The following GPLD1 variants were observed in gnomAD, a reference collection of about 807,000 sequenced individuals.
The protein encoded by GPLD1 is glycosylphosphatidylinositol specific phospholipase D1.
In GPLD1, 84 loss-of-function variants were observed where a neutral mutation model predicts 112.6. The ratio of observed to expected loss-of-function variants is 0.75; its 90% CI spans 0.63 to 0.89. The LOEUF (loss-of-function observed/expected upper bound fraction) is 0.89, where lower values mean the gene tolerates loss of function less well. Among genes scored for constraint, GPLD1 ranks in the 40% least tolerant of loss-of-function variants. The pLI is 0.00. For synonymous variants in GPLD1, 386 were observed against 403.8 expected, an observed-to-expected ratio of 0.96 and a Z score of 0.53; for missense variants, 1,044 against 1,051.5, an observed-to-expected ratio of 0.99 and a Z score of 0.10.
At chr6:24,479,571 C>G (rs1764134110) in intron 3 of GPLD1, among the ~76,000 whole-genome samples, 1 of 152,144 alleles carries the variant, frequency 6.6e-6, no homozygotes, top group Non-Finnish European at 1.5e-5. Flanking sequence ...ATAGAAGGAA[C>G]ACAAACTCAG....
intron 12 of GPLD1, among the ~76,000 whole-genome samples, chr6:24,458,986 C>G (rs1763350108): frequency 6.6e-6 from 1 of 152,132 alleles, no homozygotes; most frequent in Non-Finnish European, 1.5e-5. Flanking sequence ...TTGTCTAAAC[C>G]CTTCTGACAT....
At chr6:24,450,171 C>T (rs762716842) in intron 14 of GPLD1, among the ~76,000 whole-genome samples, 2 of 152,160 alleles carry the variant, frequency 1.3e-5, no homozygotes, top group Non-Finnish European at 2.9e-5. Context: ...AGAAAATAGC[C>T]TCGTGTATGT....
intron 10 of GPLD1, among the ~76,000 whole-genome samples, chr6:24,464,084 A>G (rs536361809): frequency 1.6e-5 from 2 of 125,852 alleles, no homozygotes; most frequent in Non-Finnish European, 1.9e-5. Context: ...TAAAACAAGT[A>G]AGTGCAGGTC....
Position 24,476,224 on chromosome 6 carries a change from C to G in GPLD1, c.287G>C (p.Ser96Thr). ...STHWTPFLNASVHYIRENYPL... is the reference protein window; with the variant it reads ...STHWTPFLNATVHYIRENYPL... ...ATAGTTCTCTCGGATATAATGAACG[C>G]TTGCATTAAGAAACGGAGTCCAGTG... Residue 96 changes from serine (S) to threonine (T), a missense_variant, in exon 4 of 25, where the codon AGC (serine) becomes ACC (threonine). Transcript: ENST00000230036. The G allele has an allele frequency of 6.3e-7, 1 of 1,577,762 alleles. No homozygotes were observed. Among genetic ancestry groups the G allele is most frequent in the Non-Finnish European group, 8.6e-7 (1 of 1,157,442 alleles).
At chr6:24,469,702 G>A (rs371822116) in intron 7 of GPLD1, among the ~76,000 whole-genome samples, 8,066 of 142,852 alleles carry the variant, frequency 0.056, 694 homozygotes, top group African/African-American at 0.19. Flanking sequence ...TGGGTGCAGC[G>A]CACCAGCATG....
chr6:24,494,961 G>C (rs767653437), intron 1 of GPLD1: 3 of 1,294,362 alleles, frequency 2.3e-6, no homozygotes, highest in African/African-American at 3.0e-5. Flanking sequence ...GCGCGCGCCC[G>C]CTTGCCTGTT....
At chr6:24,464,305 A>T (rs1449287739) in intron 10 of GPLD1, among the ~76,000 whole-genome samples, 1 of 152,214 alleles carries the variant, frequency 6.6e-6, no homozygotes, top group African/African-American at 2.4e-5. Context: ...TGGAAGGTTT[A>T]GCAACTTGTT....
At position 24,436,678 on chromosome 6, in the gene GPLD1, C is replaced by T; in HGVS notation, c.2256G>A (p.Gly752=). 1.9e-6 allele frequency: 3 copies of T among 1,614,054 alleles called. No individual in the cohort carries two copies. Among genetic ancestry groups the T allele is most frequent in the Non-Finnish European group, 2.5e-6 (3 of 1,179,966 alleles). Residue 752 remains glycine, a synonymous_variant, in exon 22 of 25, where the codon GGG becomes GGA. Coordinates refer to ENST00000230036, the MANE Select transcript of GPLD1 (RefSeq NM_001503.4). The part of the protein sequence containing the change: ...RIADVTSGLI[G]GEDGRVYVYN... ...ATACATATACTCGGCCGTCTTCTCC[C>T]CCAATCAGTCCAGAGGTTACATCTG...
chr6:24,489,052 T>C (rs2127374511), intron 1 of GPLD1, among the ~76,000 whole-genome samples: 1 of 152,300 alleles, frequency 6.6e-6, no homozygotes, highest in Non-Finnish European at 1.5e-5. Flanking sequence ...CAAAAGTACA[T>C]TTCTCACTCC....
chr6:24,453,948 G>A, intron 14 of GPLD1, 67 bp downstream of exon 14: 2 of 982,690 alleles, frequency 2.0e-6, no homozygotes, highest in Non-Finnish European at 1.6e-6. Context: ...TCATCCTGGA[G>A]AATCTGCCAC....
At position 24,467,224 on chromosome 6, in the gene GPLD1, C is replaced by T. The variant is rs762586465; in HGVS notation, c.596G>A (p.Arg199Gln). 7.5e-6 allele frequency: 12 copies of T among 1,608,480 alleles called. No homozygotes were observed. The highest frequency in any genetic ancestry group is 3.3e-5 in the Admixed American group (2 of 59,982). ...LLGIYEKLYG[R>Q]KVITENVIVD... ...GATTACATTTTCGGTGATGACTTTT[C>T]GACCATACAGTTTCTCATAAATTCC... Residue 199 changes from arginine to glutamine, a missense_variant, in exon 8 of 25, where the codon CGA (arginine) becomes CAA (glutamine). Transcript: ENST00000230036.
intron 11 of GPLD1, among the ~76,000 whole-genome samples, chr6:24,461,058 C>T (rs1763418025): frequency 6.6e-6 from 1 of 152,070 alleles, no homozygotes; most frequent in African/African-American, 2.4e-5. Context: ...ACTGATTTAT[C>T]TTCAAAGACA....
At chr6:24,432,218 G>A (rs1561825433) in intron 24 of GPLD1, among the ~76,000 whole-genome samples, 2 of 142,192 alleles carry the variant, frequency 1.4e-5, no homozygotes, top group Non-Finnish European at 3.0e-5. Flanking sequence ...TTGCACTCCG[G>A]CCTAGGTGAC....
chr6:24,485,456 A>T (rs1464012897), intron 2 of GPLD1, among the ~76,000 whole-genome samples: 1 of 150,384 alleles, frequency 6.6e-6, no homozygotes, highest in African/African-American at 2.5e-5. Flanking sequence ...GCACATTTTT[A>T]AAAATGTACT....
At chr6:24,475,933 T>G (rs1029459260) in intron 4 of GPLD1, among the ~76,000 whole-genome samples, 1 of 152,104 alleles carries the variant, frequency 6.6e-6, no homozygotes, top group African/African-American at 2.4e-5. Context: ...CGTTTTACGA[T>G]GTGTTGGAAG....
upstream of GPLD1, among the ~76,000 whole-genome samples, chr6:24,490,433 G>C (rs917808827): frequency 5.3e-5 from 8 of 152,152 alleles, no homozygotes; most frequent in Non-Finnish European, 1.0e-4. Context: ...CTTCAGGTTT[G>C]CCAAATGAAA....
intron 7 of GPLD1, among the ~76,000 whole-genome samples, chr6:24,469,641 G>A (rs1411457149): frequency 1.7e-5 from 2 of 116,018 alleles, no homozygotes; most frequent in South Asian, 3.5e-4. Context: ...GGTGGGGGGA[G>A]GGGGGAGGGA....
intron 10 of GPLD1, among the ~76,000 whole-genome samples, chr6:24,463,076 C>T (rs980820635): frequency 2.6e-5 from 4 of 152,150 alleles, no homozygotes; most frequent in Non-Finnish European, 4.4e-5. Context: ...CACGCTAACA[C>T]GAAACGTCTC....
chr6:24,446,768 TCA>T, intron 18 of GPLD1, 68 bp downstream of exon 18: 2 of 1,467,816 alleles, frequency 1.4e-6, no homozygotes, highest in Non-Finnish European at 1.9e-6. Flanking sequence ...AGCCTCATGC[TCA>T]GTGCGCTCCA....
Sources: gnomAD v4.1 joint callset for allele counts (sites outside exome capture counted in the v4.1 genomes callset) on GRCh38, gnomAD v4.1.1 for gene constraint, MANE v1.5 for transcripts, NCBI Gene and HGNC (gene_info 2026-07-23, HGNC 2026-07-21) for gene names.